TOP3A: variants seen among roughly 807,000 people sequenced by gnomAD.
TOP3A encodes DNA topoisomerase III alpha.
Under a neutral mutation model 111.3 loss-of-function variants are expected in TOP3A, and 64 were observed. The observed-to-expected ratio is 0.57, with a 90% CI of 0.47 to 0.71. TOP3A has a LOEUF of 0.71. Among genes scored for constraint, TOP3A ranks in the 30% least tolerant of loss-of-function variants. The pLI is 0.00. For missense variants in TOP3A, 1,104 were observed against 1,285.0 expected, an observed-to-expected ratio of 0.86 and a Z score of 2.15; for synonymous variants, 484 against 485.1, an observed-to-expected ratio of 1.00 and a Z score of 0.03.
intron 9 of TOP3A, among the ~76,000 whole-genome samples, chr17:18,297,083 G>A (rs1980855807): frequency 1.3e-5 from 2 of 152,046 alleles, no homozygotes; most frequent in Non-Finnish European, 2.9e-5. Context: ...TCCTCTTTTT[G>A]TTTCCCAAAC....
chr17:18,298,144 T>C (rs1300975896), intron 9 of TOP3A, among the ~76,000 whole-genome samples: 6 of 144,922 alleles, frequency 4.1e-5, no homozygotes, highest in Non-Finnish European at 7.6e-5. Flanking sequence ...ACCCTCTGCC[T>C]GGCAACCACC....
chr17:18,298,258 T>TC (rs1462463173), intron 9 of TOP3A, among the ~76,000 whole-genome samples: 65 of 146,988 alleles, frequency 4.4e-4, no homozygotes, highest in Non-Finnish European at 8.4e-4. Flanking sequence ...GAGAAGCCCC[T>TC]CCGCCCAGCA....
intron 18 of TOP3A, among the ~76,000 whole-genome samples, chr17:18,277,205 A>AAG (rs1377233290): frequency 6.7e-6 from 1 of 150,318 alleles, no homozygotes; most frequent in Non-Finnish European, 1.5e-5. Context: ...AAAAAAAAAA[A>AAG]AGAAATGAGG....
intron 7 of TOP3A, 110 bp from the exon 8 acceptor site, chr17:18,302,095 G>A (rs1981267641): frequency 3.0e-6 from 4 of 1,352,626 alleles, no homozygotes; most frequent in African/African-American, 2.9e-5. Flanking sequence ...CAAATAGGGA[G>A]GAGTTTCTGG....
chr17:18,302,497 T>C (rs1981296704), intron 6 of TOP3A, 63 bp from the exon 7 acceptor site: 1 of 1,596,500 alleles, frequency 6.3e-7, no homozygotes. Context: ...CAGGGCTGGC[T>C]GCACATATCG....
intron 11 of TOP3A, among the ~76,000 whole-genome samples, chr17:18,291,375 G>A (rs1980467218): frequency 6.6e-6 from 1 of 152,312 alleles, no homozygotes; most frequent in African/African-American, 2.4e-5. Flanking sequence ...TGCACCTGGT[G>A]GCCTTAGCCC....
chr17:18,300,309 G>A (rs988595304), intron 8 of TOP3A, among the ~76,000 whole-genome samples: 3 of 151,774 alleles, frequency 2.0e-5, no homozygotes, highest in African/African-American at 2.4e-5. Context: ...CAGGAGAATC[G>A]CTTGAACCCG....
intron 5 of TOP3A, among the ~76,000 whole-genome samples, chr17:18,303,535 G>A (rs1312700774): frequency 6.6e-6 from 1 of 152,156 alleles, no homozygotes; most frequent in Non-Finnish European, 1.5e-5. Context: ...ACCACCTTAT[G>A]GCTGGAGGCG....
At chr17:18,283,161 T>G (rs7223122) in intron 15 of TOP3A, among the ~76,000 whole-genome samples, 58,701 of 152,032 alleles carry the variant, frequency 0.39, 12,983 homozygotes, top group African/African-American at 0.61. Context: ...CCTGAGGTTG[T>G]AATTTCGAGA....
chr17:18,278,515 C>A (rs1271879553), intron 17 of TOP3A, among the ~76,000 whole-genome samples, 158 bp from the exon 18 acceptor site: 1 of 152,178 alleles, frequency 6.6e-6, no homozygotes. Context: ...CAGCCCACCA[C>A]AAGCCCCCAC....
chr17:18,280,725 T>C (rs1477560986), intron 16 of TOP3A, 67 bp from the exon 17 acceptor site: 34 of 1,577,548 alleles, frequency 2.2e-5, no homozygotes, highest in Non-Finnish European at 2.9e-5. Context: ...GGCCATCAGC[T>C]AAGGCAGCCT....
At chr17:18,300,766 CT>C (rs1042289331) in intron 8 of TOP3A, among the ~76,000 whole-genome samples, 1 of 151,978 alleles carries the variant, frequency 6.6e-6, no homozygotes, top group African/African-American at 2.4e-5. Flanking sequence ...GAAACCCAGG[CT>C]GGTGGTCTTT....
intron 9 of TOP3A, among the ~76,000 whole-genome samples, chr17:18,297,904 C>G (rs546767848): frequency 6.6e-6 from 1 of 150,998 alleles, no homozygotes; most frequent in African/African-American, 2.4e-5. Flanking sequence ...ATGTGAGGAG[C>G]CCCTCTGCCT....
Position 18,278,129 on chromosome 17 carries a change from G to T in TOP3A, c.2373C>A (p.Ser791=). 5 of 1,614,242 alleles carry T rather than the reference G, an allele frequency of 3.1e-6. No homozygotes were observed. The highest frequency in any genetic ancestry group is 4.2e-6 in the Non-Finnish European group (5 of 1,180,042). Residue 791 remains serine, a synonymous_variant, in exon 18 of 19, where the codon TCC becomes TCA. Transcript: ENST00000321105. ...GGAGGGTCTGGGCCAGAGCCTTTGA[G>T]GACCCAGTCTGTCTGCTGTCAGCAG... is the stretch of plus-strand genomic sequence containing the variant. ...PQPADSRQTG[S]SKALAQTLPP... is the part of the protein sequence containing the mutation.
At chr17:18,278,675 G>A (rs1405384404) in intron 17 of TOP3A, among the ~76,000 whole-genome samples, 1 of 152,180 alleles carries the variant, frequency 6.6e-6, no homozygotes, top group African/African-American at 2.4e-5. Context: ...GCCCTTTCAA[G>A]GAGAGTGCAA....
intron 9 of TOP3A, among the ~76,000 whole-genome samples, chr17:18,297,229 C>G (rs147366547): frequency 0.01 from 1,577 of 152,236 alleles, 28 homozygotes; most frequent in African/African-American, 0.037. Context: ...AGTTCGAGAC[C>G]AGCCTGACCA....
At position 18,281,419 on chromosome 17, in the gene TOP3A, A is replaced by T. The variant is rs371272507; in HGVS notation, c.2022-761T>A. On this transcript the variant is annotated intron_variant, in intron 16 of 18. Coordinates refer to ENST00000321105, the MANE Select transcript of TOP3A (RefSeq NM_004618.5). ...AGAAGCATTACAAAAGAATAACAGA[A>T]GAACAAACGAATAACTAAAGAATAA... 1.2e-4 allele frequency among the ~76,000 whole-genome samples: 18 copies of T among 152,328 alleles called. No individual in the cohort carries two copies. In the East Asian group the frequency reaches 2.3e-3, roughly 20 times the overall value.
At position 18,314,823 on chromosome 17, in the gene TOP3A, C is replaced by G; in HGVS notation, c.-45G>C. 6 of 1,464,186 alleles carry G rather than the reference C, an allele frequency of 4.1e-6. No individual in the cohort carries two copies. In the East Asian group the frequency reaches 1.6e-4, roughly 39 times the overall value. 90.7% of individuals were successfully genotyped at this position (1,464,186 alleles called of 1,614,324 possible). ...AGCCGCTCCCCGGCTGCCGGCGCAT[C>G]CTGGGGAAGCCAGAGATGAGGCTCA... On this transcript the variant is annotated 5_prime_UTR_variant, in exon 1 of 19. Transcript: ENST00000321105.
intron 15 of TOP3A, among the ~76,000 whole-genome samples, chr17:18,283,138 G>A (rs1208220375): frequency 6.6e-6 from 1 of 152,182 alleles, no homozygotes; most frequent in Non-Finnish European, 1.5e-5. Context: ...CCCAGGCCGA[G>A]GCGGGCGGAT....
Sources: allele counts gnomAD v4.1 joint callset (sites outside exome capture counted in the v4.1 genomes callset), GRCh38; gene constraint gnomAD v4.1.1; transcripts MANE v1.5; gene names NCBI Gene and HGNC (gene_info 2026-07-23, HGNC 2026-07-21).